TBCD: variants seen among roughly 807,000 people sequenced by gnomAD.
TBCD encodes tubulin-specific chaperone D.
TBCD carries 105 observed loss-of-function variants against 169.3 expected under a neutral mutation model. The observed-to-expected ratio is 0.62, with a 90% CI of 0.53 to 0.73. TBCD has a LOEUF of 0.73. Among genes scored for constraint, TBCD ranks in the 30% least tolerant of loss-of-function variants. The pLI, the probability that TBCD is intolerant of heterozygous loss-of-function variation, is 0.00. For synonymous variants in TBCD, 700 were observed against 643.9 expected (o/e 1.09, Z -1.32); for missense variants, 1,444 against 1,600.1 (o/e 0.90, Z 1.66).
chr17:82,854,050 C>G (rs1023172592), intron 13 of TBCD, among the ~76,000 whole-genome samples: 3 of 152,204 alleles, frequency 2.0e-5, no homozygotes, highest in African/African-American at 7.2e-5. Flanking sequence ...TCAGAGCCAA[C>G]AGCCAGCTTC....
At chr17:82,818,824 T>G (rs190672780) in intron 13 of TBCD, among the ~76,000 whole-genome samples, 146 of 152,332 alleles carry the variant, frequency 9.6e-4, no homozygotes, top group Middle Eastern at 6.8e-3. Context: ...CCCAGCACTT[T>G]GGGAGGCCAA....
At position 82,864,854 on chromosome 17, in the gene TBCD, CCGGGG is replaced by C. The variant is rs2057045300; in HGVS notation, c.1319-5368_1319-5364del. Among the ~76,000 whole-genome samples, 2 of 150,486 alleles carry C rather than the reference CCGGGG, an allele frequency of 1.3e-5. No individual in the cohort carries two copies. Among genetic ancestry groups the C allele is most frequent in the African/African-American group, 4.9e-5 (2 of 40,880 alleles). ...GGGACAGCGGGGGCCTGCTCACTCC[CCGGGG>C]CACCGTGGGGACAGCGGGGGCCTGC... On this transcript the variant is annotated intron_variant, in intron 13 of 38. Coordinates refer to ENST00000355528, the MANE Select transcript of TBCD (RefSeq NM_005993.5). This position sits in a 1 kb window ranked among gnomAD's most constrained non-coding sequence, Gnocchi z 6.3.
chr17:82,872,134 C>T (rs914324628), intron 14 of TBCD, among the ~76,000 whole-genome samples: 2 of 152,270 alleles, frequency 1.3e-5, no homozygotes, highest in African/African-American at 2.4e-5. Flanking sequence ...TGCATCAGAG[C>T]GAAGCCTGAG....
chr17:82,763,670 G>A (rs541834040), intron 2 of TBCD, among the ~76,000 whole-genome samples: 9 of 152,270 alleles, frequency 5.9e-5, no homozygotes, highest in African/African-American at 1.7e-4. Flanking sequence ...GAACCCGGGA[G>A]GTGGAGGTTG....
At chr17:82,868,370 A>G (rs905014251) in intron 13 of TBCD, among the ~76,000 whole-genome samples, 1 of 152,136 alleles carries the variant, frequency 6.6e-6, no homozygotes, top group African/African-American at 2.4e-5. Flanking sequence ...GGTGTCTGGC[A>G]GGGACCCCGG....
chr17:82,838,808 A>C, intron 13 of TBCD: 1 of 985,462 alleles, frequency 1.0e-6, no homozygotes, highest in East Asian at 1.1e-4. Context: ...TAGTTTCGGC[A>C]GGAGATCCCG....
At chr17:82,916,633 T>G (rs2061054687) in intron 23 of TBCD, among the ~76,000 whole-genome samples, 1 of 152,222 alleles carries the variant, frequency 6.6e-6, no homozygotes, top group Non-Finnish European at 1.5e-5. Context: ...TCTCTTGTCT[T>G]CTGGAGAGGT....
chr17:82,939,652 C>A (rs1357389309), intron 37 of TBCD, among the ~76,000 whole-genome samples, 176 bp downstream of exon 37: 1 of 152,224 alleles, frequency 6.6e-6, no homozygotes, highest in African/African-American at 2.4e-5. Flanking sequence ...GTAGCCGAAA[C>A]CTCTTCTCAA....
intron 15 of TBCD, among the ~76,000 whole-genome samples, chr17:82,886,493 C>G (rs2058713165): frequency 6.6e-6 from 1 of 151,820 alleles, no homozygotes; most frequent in African/African-American, 2.4e-5. Context: ...CGTTCACTCA[C>G]AGTTAAAGTA....
At chr17:82,758,901 A>G (rs549918844) in intron 2 of TBCD, among the ~76,000 whole-genome samples, 26 of 150,984 alleles carry the variant, frequency 1.7e-4, no homozygotes, top group Non-Finnish European at 3.2e-4. Flanking sequence ...CCCCCACGTG[A>G]TCTGCCCACC....
chr17:82,830,954 A>G, intron 13 of TBCD: 1 of 1,613,406 alleles, frequency 6.2e-7, no homozygotes. Context: ...AGCAAGTATA[A>G]GCCTGGCTCA....
At chr17:82,808,635 C>A (rs1396572388) in intron 11 of TBCD, among the ~76,000 whole-genome samples, 1 of 120,716 alleles carries the variant, frequency 8.3e-6, no homozygotes, top group African/African-American at 3.3e-5. Context: ...GCAGAGAGAA[C>A]CCTGCTGTGG....
chr17:82,816,340 T>G (rs1047921155), intron 13 of TBCD, among the ~76,000 whole-genome samples: 4 of 152,242 alleles, frequency 2.6e-5, no homozygotes, highest in Non-Finnish European at 4.4e-5. Context: ...GTTAGGTTAA[T>G]GCTGCCATGA....
intron 38 of TBCD, chr17:82,941,838 G>C (rs2063313673): frequency 3.3e-6 from 1 of 305,142 alleles, no homozygotes; most frequent in East Asian, 6.7e-5. Flanking sequence ...CCCATGAGTG[G>C]GGCCGGGGCT....
intron 23 of TBCD, chr17:82,913,915 G>A (rs115191221): frequency 6.6e-6 from 1 of 152,300 alleles, no homozygotes; most frequent in African/African-American, 2.4e-5. Flanking sequence ...GAGCCTCCGT[G>A]TGGTTGTCGT....
chr17:82,882,167 G>T (rs1282504624), intron 14 of TBCD, among the ~76,000 whole-genome samples: 1 of 152,224 alleles, frequency 6.6e-6, no homozygotes, highest in Non-Finnish European at 1.5e-5. Context: ...TTCTCAACCG[G>T]CCCTGGGGCC....
intron 32 of TBCD, chr17:82,929,714 A>G: frequency 2.9e-6 from 2 of 700,684 alleles, no homozygotes; most frequent in East Asian, 2.7e-5. Flanking sequence ...TGAAGGTGGG[A>G]CAGGGCCAGC....
intron 13 of TBCD, among the ~76,000 whole-genome samples, chr17:82,848,296 C>G (rs958715891): frequency 6.6e-5 from 10 of 152,160 alleles, no homozygotes; most frequent in Admixed American, 1.3e-4. Context: ...AGCGTCCTGT[C>G]GCTCCCTCCT....
intron 2 of TBCD, among the ~76,000 whole-genome samples, chr17:82,756,979 A>AG: frequency 6.6e-6 from 1 of 152,276 alleles, no homozygotes; most frequent in East Asian, 1.9e-4. Flanking sequence ...CTTTAGTGTA[A>AG]GGGGTGTGGT....
Sources: gnomAD v4.1 joint callset for allele counts (sites outside exome capture counted in the v4.1 genomes callset) on GRCh38, gnomAD v4.1.1 for gene constraint, Gnocchi (gnomAD v3.1) non-coding constraint, MANE v1.5 for transcripts, NCBI Gene and HGNC (gene_info 2026-07-23, HGNC 2026-07-21) for gene names.